HIPK2: variants seen among roughly 807,000 people sequenced by gnomAD.
HIPK2 encodes the protein homeodomain-interacting protein kinase 2.
A neutral mutation model predicts 113.7 loss-of-function variants in HIPK2; 27 were observed. The ratio of observed to expected loss-of-function variants is 0.24; its 90% confidence interval spans 0.17 to 0.33. HIPK2 has a LOEUF of 0.33. HIPK2 is among the 10% of genes least tolerant of loss of function. The pLI, the probability that HIPK2 is intolerant of heterozygous loss-of-function variation, is 1.00. For missense variants in HIPK2, 1,257 were observed against 1,588.0 expected (o/e 0.79, Z 3.54); for synonymous variants, 631 against 642.2 (o/e 0.98, Z 0.26).
At chr7:139,619,661 C>T (rs1800169317) in intron 7 of HIPK2, among the ~76,000 whole-genome samples, 1 of 152,208 alleles carries the variant, frequency 6.6e-6, no homozygotes, top group South Asian at 2.1e-4. Flanking sequence ...TAGATCCAGC[C>T]ATGTGGGGAC....
intron 2 of HIPK2, among the ~76,000 whole-genome samples, chr7:139,637,801 G>A (rs1222973166): frequency 6.6e-6 from 1 of 152,160 alleles, no homozygotes; most frequent in African/African-American, 2.4e-5. Context: ...AGAGTAGAAG[G>A]GCTGAATCAT....
intron 7 of HIPK2, among the ~76,000 whole-genome samples, chr7:139,618,519 G>T (rs1220081212): frequency 6.6e-6 from 1 of 152,192 alleles, no homozygotes; most frequent in African/African-American, 2.4e-5. Context: ...GATCTGGATG[G>T]TCTCAGTGCC....
At chr7:139,653,445 T>G (rs1801537201) in intron 2 of HIPK2, among the ~76,000 whole-genome samples, 1 of 150,172 alleles carries the variant, frequency 6.7e-6, no homozygotes, top group Non-Finnish European at 1.5e-5. Flanking sequence ...ATGGGACAAA[T>G]CACACCTCCC....
At chr7:139,574,058 TAGAA>T (rs1274370764) in intron 14 of HIPK2, among the ~76,000 whole-genome samples, 1 of 152,080 alleles carries the variant, frequency 6.6e-6, no homozygotes, top group Non-Finnish European at 1.5e-5. Context: ...ACTCCTGGCC[TAGAA>T]TGATCCCCCC....
chr7:139,767,870 A>G (rs969973510), intron 1 of HIPK2, among the ~76,000 whole-genome samples: 19 of 152,228 alleles, frequency 1.2e-4, no homozygotes, highest in African/African-American at 4.3e-4. Context: ...TCAAGCCCTG[A>G]ACCTCATTGG....
At chr7:139,673,986 G>A (rs112991377) in intron 2 of HIPK2, among the ~76,000 whole-genome samples, 4,676 of 148,870 alleles carry the variant, frequency 0.031, 87 homozygotes, top group South Asian at 0.06. Context: ...CAGAACAATC[G>A]TTTGAGCTGA....
At chr7:139,681,699 A>G (rs1802705922) in intron 2 of HIPK2, among the ~76,000 whole-genome samples, 1 of 152,154 alleles carries the variant, frequency 6.6e-6, no homozygotes, top group Admixed American at 6.5e-5. Flanking sequence ...CCTCACATGA[A>G]AGGCCCTTGC....
intron 1 of HIPK2, among the ~76,000 whole-genome samples, chr7:139,743,902 C>G (rs1796148564): frequency 6.6e-6 from 1 of 152,142 alleles, no homozygotes. Context: ...GTACAACATC[C>G]AGAGTATATA....
chr7:139,651,356 T>G (rs377022023), intron 2 of HIPK2, among the ~76,000 whole-genome samples: 2 of 152,166 alleles, frequency 1.3e-5, no homozygotes, highest in African/African-American at 4.8e-5. Flanking sequence ...TTGGCCTGCA[T>G]AGATATTAAA....
Position 139,649,898 on chromosome 7 carries a change from A to G in HIPK2, c.1104-18173T>C, listed in dbSNP as rs556393476. Among the ~76,000 whole-genome samples the G allele has an allele frequency of 2.6e-5, 4 of 152,322 alleles. No homozygotes were observed. In the South Asian group the frequency reaches 8.3e-4, roughly 32 times the overall value. On this transcript the variant is annotated intron_variant, in intron 2 of 14. Transcript: ENST00000406875. ...CCCCTGGAAGCAGACAGGGGTAAGC[A>G]GCAAGCGAAAGGGTTCCCTTGAAAA...
At chr7:139,635,741 A>T (rs1800789611) in intron 2 of HIPK2, among the ~76,000 whole-genome samples, 1 of 152,222 alleles carries the variant, frequency 6.6e-6, no homozygotes, top group African/African-American at 2.4e-5. Context: ...CACACAGGAC[A>T]ACTCGAGTCG....
chr7:139,581,390 C>T (rs896104858), intron 13 of HIPK2, among the ~76,000 whole-genome samples: 1 of 152,166 alleles, frequency 6.6e-6, no homozygotes, highest in Non-Finnish European at 1.5e-5. Flanking sequence ...CTGGCTCCTG[C>T]CCTGCCTGGG....
intron 2 of HIPK2, among the ~76,000 whole-genome samples, chr7:139,647,119 G>GTTT (rs3047860): frequency 7.0e-6 from 1 of 142,460 alleles, no homozygotes; most frequent in Middle Eastern, 3.3e-3. Flanking sequence ...TGCACTGATA[G>GTTT]TTTTTTTTTT....
intron 1 of HIPK2, among the ~76,000 whole-genome samples, chr7:139,752,734 A>G (rs969207953): frequency 5.9e-5 from 9 of 151,944 alleles, no homozygotes; most frequent in African/African-American, 2.2e-4. Flanking sequence ...GAAAAAAAAA[A>G]AAAAAAGAAA....
chr7:139,589,376 G>T (rs937481592), intron 12 of HIPK2, among the ~76,000 whole-genome samples: 4 of 150,646 alleles, frequency 2.7e-5, no homozygotes, highest in African/African-American at 9.8e-5. Context: ...TCTTCCTTAG[G>T]ATCTGAGTAG....
rs189351802 is a variant in HIPK2, at chr7:139,733,655, A to T, written c.20-16640T>A. 2.0e-5 allele frequency among the ~76,000 whole-genome samples: 3 copies of T among 152,382 alleles called. No homozygotes were observed. The East Asian group carries it at 5.8e-4, about 29-fold the overall frequency. On this transcript the variant is annotated intron_variant, in intron 1 of 14. Transcript: ENST00000406875. ...AAAAATTTAAAGGATAAAGTGAGAT[A>T]AAATATACATATTCAAATTTTCTTC...
chr7:139,749,542 A>G (rs563472473), intron 1 of HIPK2, among the ~76,000 whole-genome samples: 1 of 152,344 alleles, frequency 6.6e-6, no homozygotes, highest in African/African-American at 2.4e-5. Flanking sequence ...TCAGGCTAAG[A>G]AAGCTCTCTG....
intron 1 of HIPK2, among the ~76,000 whole-genome samples, chr7:139,734,297 C>T (rs1001105523): frequency 2.6e-5 from 4 of 152,190 alleles, no homozygotes; most frequent in African/African-American, 4.8e-5. Context: ...CAAGTGTGCA[C>T]GTACTAATCC....
At chr7:139,651,675 G>A (rs1390505011) in intron 2 of HIPK2, among the ~76,000 whole-genome samples, 1 of 152,154 alleles carries the variant, frequency 6.6e-6, no homozygotes, top group Non-Finnish European at 1.5e-5. Context: ...CTATAGCGGG[G>A]GCACTGTGGA....
Sources: allele counts gnomAD v4.1 joint callset (sites outside exome capture counted in the v4.1 genomes callset), GRCh38; gene constraint gnomAD v4.1.1; transcripts MANE v1.5; gene names NCBI Gene and HGNC (gene_info 2026-07-23, HGNC 2026-07-21).